Variants in ANKRD13C observed in about 807,000 individuals in gnomAD.
ANKRD13C encodes the protein ankyrin repeat domain 13C.
Under a neutral mutation model 65.5 loss-of-function variants are expected in ANKRD13C, and 16 were observed. The observed-to-expected ratio is 0.24, with a 90% confidence interval of 0.17 to 0.37. The LOEUF is 0.37. Among genes scored for constraint, ANKRD13C ranks in the 10% least tolerant of loss-of-function variants. The pLI, the probability that ANKRD13C is intolerant of heterozygous loss-of-function variation, is 1.00. For synonymous variants in ANKRD13C, 235 were observed against 238.7 expected, an observed-to-expected ratio of 0.98 and a Z score of 0.14; for missense variants, 503 against 655.9, an observed-to-expected ratio of 0.77 and a Z score of 2.55.
intron 12 of ANKRD13C, among the ~76,000 whole-genome samples, chr1:70,268,139 C>T (rs918050695): frequency 1.3e-5 from 2 of 152,036 alleles, no homozygotes; most frequent in Non-Finnish European, 2.9e-5. Flanking sequence ...AGAAGGAAAA[C>T]GAGAAATATG....
At chr1:70,331,820 CAAAAAAAAAAAAA>C (rs10526340) in intron 2 of ANKRD13C, among the ~76,000 whole-genome samples, 8 of 70,070 alleles carry the variant, frequency 1.1e-4, no homozygotes, top group African/African-American at 3.1e-4. Flanking sequence ...AGACTCGACT[CAAAAAAAAAAAAA>C]AAAAAAAAAA....
chr1:70,262,865 A>G lies in ANKRD13C; in HGVS notation c.1496-18T>C. 6.2e-7 allele frequency: 1 copy of G among 1,602,452 alleles called. No individual in the cohort carries two copies. The highest frequency in any genetic ancestry group is 1.3e-5 in the African/African-American group (1 of 74,526). ...AGGTATATCTACAGAGAGAACATCA[A>G]TGATAGCATTGTAAAATCAAATGTT... On this transcript the variant is annotated intron_variant, in intron 12 of 12. Transcript: ENST00000370944.
chr1:70,335,482 A>G (rs1263612592), intron 2 of ANKRD13C, among the ~76,000 whole-genome samples: 1 of 151,824 alleles, frequency 6.6e-6, no homozygotes, highest in Non-Finnish European at 1.5e-5. Flanking sequence ...ATTGCTATTC[A>G]GCTATCTAAA....
At chr1:70,274,211 C>T (rs1013690368) in intron 11 of ANKRD13C, among the ~76,000 whole-genome samples, 95 of 151,554 alleles carry the variant, frequency 6.3e-4, no homozygotes, top group African/African-American at 2.1e-3. Context: ...TGGTGGCTCA[C>T]GCCTGTAATC....
chr1:70,331,837 AAAAAAAGGAACACT>A (rs940762101), intron 2 of ANKRD13C, among the ~76,000 whole-genome samples: 1 of 148,056 alleles, frequency 6.8e-6, no homozygotes, highest in African/African-American at 2.5e-5. Flanking sequence ...AAAAAAAAAA[AAAAAAAGGAACACT>A]AAGTATAAAG....
intron 8 of ANKRD13C, among the ~76,000 whole-genome samples, chr1:70,294,287 C>CA (rs1319739306): frequency 6.6e-6 from 1 of 152,126 alleles, no homozygotes; most frequent in Non-Finnish European, 1.5e-5. Context: ...TGACATTCTG[C>CA]AAGGGGATGT....
chr1:70,283,531 T>A (rs1166512314), intron 9 of ANKRD13C, among the ~76,000 whole-genome samples: 1 of 150,930 alleles, frequency 6.6e-6, no homozygotes, highest in African/African-American at 2.4e-5. Context: ...GAAAAAAAAA[T>A]CCATGCCGGG....
Position 70,342,670 on chromosome 1 carries a change from C to T in ANKRD13C, c.431-6571G>A, listed in dbSNP as rs545542112. On this transcript the variant is annotated intron_variant, in intron 1 of 12. Transcript: ENST00000370944. ...TAGCAATAGTTCCCTTTCTTCACTT[C>T]TCTATCTTTCAGGGAGAAAAAGAAG... Among the ~76,000 whole-genome samples the T allele has an allele frequency of 1.2e-3, 180 of 152,056 alleles. No homozygotes were observed. In the Middle Eastern group the frequency reaches 0.017, roughly 14 times the overall value.
At chr1:70,347,842 C>T (rs768280200) in intron 1 of ANKRD13C, among the ~76,000 whole-genome samples, 4 of 152,106 alleles carry the variant, frequency 2.6e-5, no homozygotes, top group Non-Finnish European at 4.4e-5. Flanking sequence ...ACCCCCACAC[C>T]CAGGTAAGGG....
intron 9 of ANKRD13C, 68 bp from the exon 10 acceptor site, chr1:70,276,912 GA>G (rs1679165234): frequency 9.8e-6 from 12 of 1,218,392 alleles, no homozygotes. Flanking sequence ...TTAAATATAA[GA>G]TTAAAATACA....
At chr1:70,275,722 A>G (rs1679101663) in intron 10 of ANKRD13C, among the ~76,000 whole-genome samples, 1 of 152,046 alleles carries the variant, frequency 6.6e-6, no homozygotes, top group Admixed American at 6.6e-5. Flanking sequence ...AGCATTTGGG[A>G]GGCCGAGGCA....
intron 9 of ANKRD13C, among the ~76,000 whole-genome samples, chr1:70,281,351 T>C (rs1679377914): frequency 6.6e-6 from 1 of 151,682 alleles, no homozygotes; most frequent in Non-Finnish European, 1.5e-5. Context: ...AATAGACTCC[T>C]TTTCTAGAAA....
chr1:70,331,268 A>G (rs1465678192), intron 2 of ANKRD13C, among the ~76,000 whole-genome samples: 1 of 152,124 alleles, frequency 6.6e-6, no homozygotes, highest in Non-Finnish European at 1.5e-5. Flanking sequence ...CAAGGTATAG[A>G]ACACTAAGTA....
At chr1:70,327,250 T>C (rs1037324387) in intron 2 of ANKRD13C, among the ~76,000 whole-genome samples, 1 of 152,262 alleles carries the variant, frequency 6.6e-6, no homozygotes, top group African/African-American at 2.4e-5. Flanking sequence ...ATGTGATATA[T>C]GTAAAGTTCC....
chr1:70,346,435 C>T (rs1682529010), intron 1 of ANKRD13C, among the ~76,000 whole-genome samples: 1 of 152,008 alleles, frequency 6.6e-6, no homozygotes, highest in Non-Finnish European at 1.5e-5. Flanking sequence ...TTTTGAACCA[C>T]CAATGAAAAT....
At chr1:70,306,681 G>A (rs961987746) in intron 5 of ANKRD13C, among the ~76,000 whole-genome samples, 2 of 152,114 alleles carry the variant, frequency 1.3e-5, no homozygotes, top group African/African-American at 2.4e-5. Context: ...TGGAAAAATT[G>A]CAGTAAAGTA....
Position 70,306,290 on chromosome 1 carries a change from A to G in ANKRD13C, c.710T>C (p.Val237Ala). 1 of 1,540,664 alleles carries G rather than the reference A, an allele frequency of 6.5e-7. No individual in the cohort carries two copies. The highest frequency in any genetic ancestry group is 8.8e-7 in the Non-Finnish European group (1 of 1,140,418). The change falls in exon 6 of 13, where the codon GTG (valine) becomes GCG (alanine). Residue 237 changes from valine (V) to alanine (A), a missense_variant and splice_region_variant. This residue lies in a region of ANKRD13C where 300 missense variants were observed against 478.3 expected (regional missense o/e 0.63). Coordinates refer to ENST00000370944, the MANE Select transcript of ANKRD13C (RefSeq NM_030816.5). ...LELHWDFQSWVPLLSRILPSD... is the reference protein window; with the variant it reads ...LELHWDFQSWAPLLSRILPSD... ...AGGCAGAATTCGGGAAAGTAAAGGCACTGTATTTTTAAAAACAAAAGGTAA... is the reference window on the plus strand; with the variant it reads ...AGGCAGAATTCGGGAAAGTAAAGGCGCTGTATTTTTAAAAACAAAAGGTAA...
At chr1:70,350,026 C>T (rs1682682231) in intron 1 of ANKRD13C, among the ~76,000 whole-genome samples, 1 of 152,126 alleles carries the variant, frequency 6.6e-6, no homozygotes, top group African/African-American at 2.4e-5. Context: ...GCCTGTAGTC[C>T]TAGCTTCTCA....
chr1:70,339,048 C>T (rs1682185476), intron 1 of ANKRD13C, among the ~76,000 whole-genome samples: 1 of 152,044 alleles, frequency 6.6e-6, no homozygotes. Context: ...TGGCAAAACC[C>T]CGTCTCTACT....
Sources: allele counts gnomAD v4.1 joint callset (sites outside exome capture counted in the v4.1 genomes callset), GRCh38; gene constraint gnomAD v4.1.1; regional missense constraint gnomAD v4.1.1; transcripts MANE v1.5; gene names NCBI Gene and HGNC (gene_info 2026-07-23, HGNC 2026-07-21).